The following SLC9B1 variants were observed in gnomAD, a reference collection of about 807,000 sequenced individuals.
SLC9B1 encodes sodium/hydrogen exchanger 9B1.
A neutral mutation model predicts 51.7 loss-of-function variants in SLC9B1; 32 were observed. The observed-to-expected ratio is 0.62, with a 90% confidence interval of 0.47 to 0.83. The LOEUF (loss-of-function observed/expected upper bound fraction) is 0.83. SLC9B1 is among the 40% of genes least tolerant of loss of function. SLC9B1 has a pLI of 0.00. For synonymous variants in SLC9B1, 145 were observed against 212.7 expected (o/e 0.68, Z 2.77); for missense variants, 406 against 613.2 (o/e 0.66, Z 3.57).
chr4:102,932,882 T>G (rs974644868), intron 6 of SLC9B1, among the ~76,000 whole-genome samples: 2 of 151,930 alleles, frequency 1.3e-5, no homozygotes, highest in East Asian at 1.9e-4. Flanking sequence ...AGTAAATAAG[T>G]AAGTAAGGAA....
chr4:102,983,243 T>C (rs1243952113), intron 3 of SLC9B1, among the ~76,000 whole-genome samples: 2 of 152,184 alleles, frequency 1.3e-5, no homozygotes, highest in African/African-American at 4.8e-5. Context: ...TAAATCCCAC[T>C]TGGTCATGGT....
At chr4:103,004,943 C>T (rs776325781) in intron 1 of SLC9B1, among the ~76,000 whole-genome samples, 1 of 152,082 alleles carries the variant, frequency 6.6e-6, no homozygotes, top group East Asian at 1.9e-4. Context: ...GAGTGCTAAA[C>T]ATAGAAATTA....
chr4:102,918,769 C>T (rs772657130), intron 7 of SLC9B1, among the ~76,000 whole-genome samples: 1 of 152,198 alleles, frequency 6.6e-6, no homozygotes, highest in Non-Finnish European at 1.5e-5. Flanking sequence ...TAGCCTAAAT[C>T]TTGGACTTCT....
chr4:103,002,721 C>T (rs1740590239), intron 1 of SLC9B1, among the ~76,000 whole-genome samples: 1 of 152,198 alleles, frequency 6.6e-6, no homozygotes, highest in Non-Finnish European at 1.5e-5. Flanking sequence ...AATGCTATTC[C>T]ATTGCCTCTG....
intron 3 of SLC9B1, among the ~76,000 whole-genome samples, chr4:102,949,905 G>A (rs199811823): frequency 6.6e-6 from 1 of 151,960 alleles, no homozygotes; most frequent in Non-Finnish European, 1.5e-5. Flanking sequence ...AGGTTGCAGT[G>A]AGCCAAGATT....
intron 11 of SLC9B1, chr4:102,885,545 AT>A: frequency 1.2e-6 from 1 of 804,794 alleles, no homozygotes; most frequent in Non-Finnish European, 2.1e-6. Context: ...AATATTTGGT[AT>A]TGAAAGACCA....
downstream of SLC9B1, chr4:102,897,925 A>G (rs13113640): frequency 3.8e-5 from 14 of 366,458 alleles, no homozygotes; most frequent in Middle Eastern, 7.9e-4. Flanking sequence ...CACAGCCCCA[A>G]GTTACCGTGC....
At chr4:102,936,375 A>C (rs569721036) in intron 6 of SLC9B1, among the ~76,000 whole-genome samples, 2 of 152,346 alleles carry the variant, frequency 1.3e-5, no homozygotes, top group East Asian at 3.9e-4. Context: ...TCTTCAAGCA[A>C]TCATACTAAC....
chr4:102,985,443 GT>G (rs1214526419), intron 3 of SLC9B1, among the ~76,000 whole-genome samples: 3 of 151,782 alleles, frequency 2.0e-5, no homozygotes, highest in Non-Finnish European at 4.4e-5. Flanking sequence ...TCAATTTTCT[GT>G]TAGCATATCA....
chr4:102,940,796 G>A (rs62327303), intron 6 of SLC9B1, among the ~76,000 whole-genome samples: 28 of 151,244 alleles, frequency 1.9e-4, no homozygotes, highest in Non-Finnish European at 2.5e-4. Flanking sequence ...AGTGGAACAG[G>A]TTACAGAACG....
At position 102,986,905 on chromosome 4, in the gene SLC9B1, A is replaced by G. The variant is rs187576954; in HGVS notation, c.211+2895T>C. Among the ~76,000 whole-genome samples the G allele has an allele frequency of 9.7e-4, 147 of 152,322 alleles. 1 individual carries two copies. The highest frequency in any genetic ancestry group is 1.7e-3 in the Non-Finnish European group (113 of 68,032). ...CGTTAGAGATCTTAGCATATTTAACATAACTTTTAAATTCACAGTCTGATA... is the reference window on the plus strand; with the variant it reads ...CGTTAGAGATCTTAGCATATTTAACGTAACTTTTAAATTCACAGTCTGATA... On this transcript the variant is annotated intron_variant, in intron 3 of 11. Coordinates refer to ENST00000296422, the MANE Select transcript of SLC9B1 (RefSeq NM_139173.4).
intron 6 of SLC9B1, among the ~76,000 whole-genome samples, chr4:102,942,160 G>C (rs1356747568): frequency 2.0e-5 from 3 of 152,104 alleles, no homozygotes; most frequent in Non-Finnish European, 4.4e-5. Context: ...GGAGGTGAAA[G>C]ACTTCTACAG....
intron 3 of SLC9B1, among the ~76,000 whole-genome samples, chr4:102,950,820 G>C (rs1179894503): frequency 6.6e-6 from 1 of 152,108 alleles, no homozygotes; most frequent in Non-Finnish European, 1.5e-5. Context: ...ATGGTGAAAC[G>C]CTGTCTCTAT....
chr4:102,974,268 C>T (rs1052602160), intron 3 of SLC9B1, among the ~76,000 whole-genome samples: 1 of 73,356 alleles, frequency 1.4e-5, no homozygotes, highest in African/African-American at 5.4e-5. Context: ...AAAAAAAAAT[C>T]GGAGTAAACC....
At chr4:102,968,799 C>A (rs1350807267) in intron 3 of SLC9B1, among the ~76,000 whole-genome samples, 1 of 152,132 alleles carries the variant, frequency 6.6e-6, no homozygotes, top group Non-Finnish European at 1.5e-5. Context: ...CCGTGACAGA[C>A]GGTACCTGGA....
chr4:103,002,469 A>T (rs1740576647), intron 1 of SLC9B1, among the ~76,000 whole-genome samples: 1 of 152,252 alleles, frequency 6.6e-6, no homozygotes, highest in African/African-American at 2.4e-5. Context: ...TAAATCTATA[A>T]AAGATTAAAT....
At chr4:102,915,276 T>C (rs990448077) in intron 7 of SLC9B1, among the ~76,000 whole-genome samples, 2 of 152,172 alleles carry the variant, frequency 1.3e-5, no homozygotes, top group African/African-American at 4.8e-5. Flanking sequence ...GAAAGGGCAT[T>C]GGATAGAAAT....
In SLC9B1 at chr4:102,974,856, A is replaced by T. The variant is rs535499598; in HGVS notation, c.211+14944T>A. ...ATTTAAGATCATTATAATCCAAGAA[A>T]ATTGGAGGCCAAACTAAGCTTAGAT... On this transcript the variant is annotated intron_variant, in intron 3 of 11. Transcript: ENST00000296422. 1.4e-4 allele frequency among the ~76,000 whole-genome samples: 21 copies of T among 152,356 alleles called. No homozygotes were observed. In the South Asian group the frequency reaches 4.4e-3, roughly 32 times the overall value.
intron 1 of SLC9B1, among the ~76,000 whole-genome samples, chr4:103,016,155 G>GAAAAAAAAAAAAAAAAAAAA (rs1286956791): frequency 6.7e-5 from 5 of 74,214 alleles, no homozygotes; most frequent in Non-Finnish European, 1.3e-4. Flanking sequence ...AAAAAAAAAG[G>GAAAAAAAAAAAAAAAAAAAA]AAAGTATATG....
Sources: gnomAD v4.1 joint callset for allele counts (sites outside exome capture counted in the v4.1 genomes callset) on GRCh38, gnomAD v4.1.1 for gene constraint, MANE v1.5 for transcripts, NCBI Gene and HGNC (gene_info 2026-07-23, HGNC 2026-07-21) for gene names.